The following VPS13B variants were observed in gnomAD, a reference collection of about 807,000 sequenced individuals.
The protein encoded by VPS13B is vacuolar protein sorting 13 homolog B.
A neutral mutation model predicts 426.4 loss-of-function variants in VPS13B; 285 were observed. That is an observed-to-expected ratio of 0.67 (90% CI 0.61 to 0.74). VPS13B has a LOEUF of 0.74. Ranked by LOEUF, VPS13B falls within the 30% of genes least tolerant of loss-of-function variation. VPS13B has a pLI of 0.00. For missense variants in VPS13B, 4,537 were observed against 4,782.6 expected (o/e 0.95, Z 1.51); for synonymous variants, 1,676 against 1,676.4 (o/e 1.00, Z 0.01).
chr8:99,735,856 A>G (rs956243592), intron 39 of VPS13B, among the ~76,000 whole-genome samples: 1 of 152,096 alleles, frequency 6.6e-6, no homozygotes, highest in Non-Finnish European at 1.5e-5. Context: ...GGGGTGGAAA[A>G]CGCTGCGAAT....
At chr8:99,832,341 A>C (rs1227850403) in intron 51 of VPS13B, 28 bp from the exon 52 acceptor site, 38 of 1,195,374 alleles carry the variant, frequency 3.2e-5, no homozygotes, top group African/African-American at 8.7e-5. Context: ...TGCTCTCTGC[A>C]TTTTTTTTTT....
chr8:99,357,831 T>C (rs1474901474), intron 19 of VPS13B, among the ~76,000 whole-genome samples: 1 of 152,216 alleles, frequency 6.6e-6, no homozygotes, highest in Non-Finnish European at 1.5e-5. Context: ...GTCAATTAAG[T>C]ACTAACAATC....
chr8:99,384,195 T>A lies in VPS13B; in HGVS notation c.2825-13T>A. On this transcript the variant is annotated splice_polypyrimidine_tract_variant and intron_variant, in intron 19 of 61. Coordinates refer to ENST00000357162, the MANE Select transcript of VPS13B (RefSeq NM_152564.5). ...GAGGACTTATGTAACAGTTTAAAAA[T>A]CTTGTCTTTTAGGTGCTGTACTTCT... 6.2e-7 allele frequency: 1 copy of A among 1,606,952 alleles called. No individual in the cohort carries two copies. Among genetic ancestry groups the A allele is most frequent in the Non-Finnish European group, 8.5e-7 (1 of 1,173,656 alleles).
chr8:99,592,487 A>G (rs1826743159), intron 33 of VPS13B, among the ~76,000 whole-genome samples: 1 of 152,032 alleles, frequency 6.6e-6, no homozygotes, highest in African/African-American at 2.4e-5. Flanking sequence ...CTGGCGACCT[A>G]CAGATGGGGT....
At chr8:99,138,228 G>T (rs772961328) in intron 12 of VPS13B, among the ~76,000 whole-genome samples, 16 of 152,306 alleles carry the variant, frequency 1.1e-4, no homozygotes, top group Non-Finnish European at 2.2e-4. Context: ...CCTGGTTCAA[G>T]CGATTCTCAT....
intron 3 of VPS13B, among the ~76,000 whole-genome samples, chr8:99,066,416 T>G (rs1034757948): frequency 1.3e-5 from 2 of 152,180 alleles, no homozygotes; most frequent in African/African-American, 4.8e-5. Flanking sequence ...ATTCCCTATT[T>G]AATAAATGGT....
At chr8:99,857,531 C>T (rs190870273) in intron 56 of VPS13B, among the ~76,000 whole-genome samples, 1 of 152,302 alleles carries the variant, frequency 6.6e-6, no homozygotes, top group East Asian at 1.9e-4. Flanking sequence ...CTCTTTGCAG[C>T]CTGAGCTCAC....
chr8:99,548,090 T>G (rs1215592303), intron 30 of VPS13B, among the ~76,000 whole-genome samples: 1 of 152,120 alleles, frequency 6.6e-6, no homozygotes, highest in African/African-American at 2.4e-5. Flanking sequence ...TTAGGCATTC[T>G]GGTCCTCACC....
chr8:99,140,796 A>G (rs1474141042), intron 12 of VPS13B, among the ~76,000 whole-genome samples: 5 of 152,118 alleles, frequency 3.3e-5, no homozygotes, highest in Admixed American at 2.0e-4. Context: ...CTTCTTACAG[A>G]CACCAGTAAA....
chr8:99,249,734 G>C (rs1817406501), intron 17 of VPS13B, among the ~76,000 whole-genome samples: 1 of 152,136 alleles, frequency 6.6e-6, no homozygotes, highest in African/African-American at 2.4e-5. Context: ...GAATGTTTAA[G>C]TTTTAAAGAA....
rs187929608 is a variant in VPS13B at position 99,672,985 on chromosome 8, C to A, written c.6046+11494C>A. Among the ~76,000 whole-genome samples, 66 of 151,950 alleles carry A rather than the reference C, an allele frequency of 4.3e-4. No homozygotes were observed. In the Middle Eastern group the frequency reaches 0.01, roughly 23 times the overall value. ...TGTTGATCATACCTGTGATGACACC[C>A]GCTTGATCACGAGTAGATTTTTAAT... On this transcript the variant is annotated intron_variant, in intron 35 of 61. Coordinates refer to ENST00000357162, the MANE Select transcript of VPS13B (RefSeq NM_152564.5).
chr8:99,073,157 G>T (rs1405024250), intron 3 of VPS13B, among the ~76,000 whole-genome samples: 1 of 152,112 alleles, frequency 6.6e-6, no homozygotes, highest in African/African-American at 2.4e-5. Context: ...AATGCTCTGG[G>T]TCACACCTGA....
chr8:99,807,982 A>G (rs959731463), intron 43 of VPS13B, among the ~76,000 whole-genome samples: 2 of 151,912 alleles, frequency 1.3e-5, no homozygotes, highest in African/African-American at 4.8e-5. Flanking sequence ...TAAGGCTGAA[A>G]CTAAAAACTA....
intron 49 of VPS13B, among the ~76,000 whole-genome samples, 176 bp from the exon 50 acceptor site, chr8:99,821,118 A>C (rs1279953993): frequency 7.7e-6 from 1 of 129,062 alleles, no homozygotes; most frequent in Admixed American, 7.8e-5. Flanking sequence ...ACACACACAC[A>C]CACACACACA....
intron 17 of VPS13B, among the ~76,000 whole-genome samples, chr8:99,214,907 A>G (rs1815302053): frequency 6.6e-6 from 1 of 152,166 alleles, no homozygotes; most frequent in Admixed American, 6.5e-5. Flanking sequence ...CAAAAGAACT[A>G]TGCTTCTTTC....
chr8:99,121,765 T>G lies in VPS13B; in HGVS notation c.1206+320T>G, dbSNP rs538777017. ...AAAAAAGAAAGGAACAGCAAAAATT[T>G]TCCCGTGAATTCTTTTACCTGTCAG... On this transcript the variant is annotated intron_variant, in intron 8 of 61. Coordinates refer to ENST00000357162, the MANE Select transcript of VPS13B (RefSeq NM_152564.5). The G allele has an allele frequency of 7.1e-4, 212 of 299,952 alleles. 1 individual carries two copies. The highest frequency in any genetic ancestry group is 4.3e-3 in the African/African-American group (195 of 45,560). The allele number at this position is 299,952 out of a possible 1,614,324, so 18.6% of individuals were successfully genotyped here. A position where few individuals can be genotyped will look rare whatever the true frequency, so the allele number is the denominator to read the frequency against.
chr8:99,335,278 A>G (rs1248214380), intron 19 of VPS13B, among the ~76,000 whole-genome samples: 1 of 152,022 alleles, frequency 6.6e-6, no homozygotes, highest in Non-Finnish European at 1.5e-5. Context: ...CTAGCAGTCT[A>G]TCGATTTTGT....
intron 25 of VPS13B, among the ~76,000 whole-genome samples, chr8:99,484,889 G>A (rs922592800): frequency 3.5e-4 from 53 of 150,836 alleles, no homozygotes; most frequent in African/African-American, 1.2e-3. Context: ...AAAATACTTA[G>A]TTTAGTGAGT....
intron 17 of VPS13B, among the ~76,000 whole-genome samples, chr8:99,229,062 G>A (rs1816175439): frequency 5.9e-5 from 9 of 152,170 alleles, no homozygotes; most frequent in Admixed American, 5.9e-4. Context: ...AATGGAAACA[G>A]GCCTGGTTAG....
Sources: allele counts gnomAD v4.1 joint callset (sites outside exome capture counted in the v4.1 genomes callset), GRCh38; gene constraint gnomAD v4.1.1; transcripts MANE v1.5; gene names NCBI Gene and HGNC (gene_info 2026-07-23, HGNC 2026-07-21).